The following STAG1 variants were observed in gnomAD, a reference collection of about 807,000 sequenced individuals.
The protein encoded by STAG1 is cohesin subunit SA-1.
In STAG1, 26 loss-of-function variants were observed where a neutral mutation model predicts 170.9. That is an observed-to-expected ratio of 0.15 (90% confidence interval 0.11 to 0.21). STAG1 has a LOEUF of 0.21. Among genes scored for constraint, STAG1 ranks in the 10% least tolerant of loss-of-function variants. The pLI, the probability that STAG1 is intolerant of heterozygous loss-of-function variation, is 1.00. For missense variants in STAG1, 964 were observed against 1,509.5 expected (o/e 0.64, Z 5.99); for synonymous variants, 514 against 497.7 (o/e 1.03, Z -0.44).
At chr3:136,727,233 TTAAG>T (rs1345699405) in intron 1 of STAG1, among the ~76,000 whole-genome samples, 1 of 152,164 alleles carries the variant, frequency 6.6e-6, no homozygotes, top group African/African-American at 2.4e-5. Context: ...TTGGACAGCC[TTAAG>T]TAATAGGCGA....
At chr3:136,389,486 G>A (rs2086953043) in intron 22 of STAG1, among the ~76,000 whole-genome samples, 1 of 151,742 alleles carries the variant, frequency 6.6e-6, no homozygotes, top group South Asian at 2.1e-4. Context: ...GTAGAGACGG[G>A]GTTTCACCAT....
intron 16 of STAG1, among the ~76,000 whole-genome samples, chr3:136,423,840 T>G (rs992691930): frequency 1.3e-5 from 2 of 152,108 alleles, no homozygotes; most frequent in Non-Finnish European, 2.9e-5. Context: ...CACTGCCTAT[T>G]TGATTGTTCA....
rs190851593 is a variant in STAG1 at position 136,497,727 on chromosome 3, C to T, written c.902+2496G>A. On this transcript the variant is annotated intron_variant, in intron 9 of 33. Coordinates refer to ENST00000383202, the MANE Select transcript of STAG1 (RefSeq NM_005862.3). ...AAAATTAGCTGGGCGTGGTGGCAGG[C>T]GCCTGTACTCCCAGCTACTTGGGAG... Among the ~76,000 whole-genome samples the T allele has an allele frequency of 3.4e-3, 515 of 150,634 alleles. 10 individuals are homozygous for T. The highest frequency in any genetic ancestry group is 0.028 in the Admixed American group (426 of 15,134).
intron 4 of STAG1, among the ~76,000 whole-genome samples, chr3:136,583,105 AC>A (rs1420681627): frequency 1.3e-5 from 2 of 152,186 alleles, no homozygotes; most frequent in African/African-American, 4.8e-5. Context: ...ATTTTGATTA[AC>A]CTTAGCATCT....
chr3:136,708,967 CTTTTT>C lies in STAG1; in HGVS notation c.-84+43223_-84+43227del, dbSNP rs61595071. Among the ~76,000 whole-genome samples, 69 of 86,076 alleles carry C rather than the reference CTTTTT, an allele frequency of 8.0e-4. No homozygotes were observed. In the South Asian group the frequency reaches 0.023, roughly 28 times the overall value. The allele number at this position is 86,076 out of a possible 152,430, so 56.5% of individuals were successfully genotyped here. A position where few individuals can be genotyped will look rare whatever the true frequency, so the allele number is the denominator to read the frequency against. ...CACAGGCATGTACCACTGCAGCTGG[CTTTTT>C]TTTTTTTTTTTTTTTTTTTTTAAAG... On this transcript the variant is annotated intron_variant, in intron 1 of 33. Coordinates refer to ENST00000383202, the MANE Select transcript of STAG1 (RefSeq NM_005862.3).
intron 15 of STAG1, among the ~76,000 whole-genome samples, chr3:136,436,914 A>C (rs2088478544): frequency 6.6e-6 from 1 of 152,246 alleles, no homozygotes; most frequent in African/African-American, 2.4e-5. Flanking sequence ...TATCTTAGGA[A>C]AAACAAATGA....
At chr3:136,672,226 T>C (rs972689764) in intron 1 of STAG1, among the ~76,000 whole-genome samples, 2 of 152,206 alleles carry the variant, frequency 1.3e-5, no homozygotes, top group Non-Finnish European at 2.9e-5. Flanking sequence ...AAATGAGGCC[T>C]ACAAAATGAA....
At position 136,371,339 on chromosome 3, in the gene STAG1, T is replaced by G. The variant is rs1167923042; in HGVS notation, c.2371-2057A>C. 3.9e-5 allele frequency among the ~76,000 whole-genome samples: 6 copies of G among 152,098 alleles called. No individual in the cohort carries two copies. The South Asian group carries it at 1.2e-3, about 31-fold the overall frequency. On this transcript the variant is annotated intron_variant, in intron 23 of 33. Coordinates refer to ENST00000383202, the MANE Select transcript of STAG1 (RefSeq NM_005862.3). ...ACTCTGATGGTAGTTTCTTTTGCTG[T>G]GCAGAAGCTCTTTAGTTTAATTAGA...
intron 7 of STAG1, among the ~76,000 whole-genome samples, chr3:136,510,105 TTCAACCCA>T (rs1559848818): frequency 6.6e-6 from 1 of 152,170 alleles, no homozygotes; most frequent in Non-Finnish European, 1.5e-5. Flanking sequence ...AGAACTACCA[TTCAACCCA>T]TCAATCCCAT....
chr3:136,556,868 C>CCA (rs1433458946), intron 5 of STAG1, among the ~76,000 whole-genome samples: 1 of 152,108 alleles, frequency 6.6e-6, no homozygotes, highest in Non-Finnish European at 1.5e-5. Context: ...CAGGTACGAG[C>CCA]CACTGTGCTT....
intron 9 of STAG1, 92 bp downstream of exon 9, chr3:136,500,131 A>C (rs1264854020): frequency 3.7e-6 from 3 of 803,528 alleles, no homozygotes; most frequent in African/African-American, 1.8e-5. Flanking sequence ...CATAAATCAT[A>C]ATTAGTGAGT....
At chr3:136,581,870 A>G (rs1937597178) in intron 4 of STAG1, among the ~76,000 whole-genome samples, 1 of 152,300 alleles carries the variant, frequency 6.6e-6, no homozygotes, top group East Asian at 1.9e-4. Flanking sequence ...TAAAACAAAT[A>G]TAACTTTAAC....
chr3:136,598,169 A>G (rs560430537), intron 4 of STAG1, among the ~76,000 whole-genome samples: 43 of 152,254 alleles, frequency 2.8e-4, no homozygotes, highest in Middle Eastern at 6.8e-3. Flanking sequence ...TTAGACTCAA[A>G]TATTTGGGTT....
intron 1 of STAG1, among the ~76,000 whole-genome samples, chr3:136,749,191 A>G (rs1935103620): frequency 6.6e-6 from 1 of 152,332 alleles, no homozygotes; most frequent in African/African-American, 2.4e-5. Flanking sequence ...GCCCTTAATC[A>G]GTTAAGTTTA....
At chr3:136,487,390 T>C (rs1009262342) in intron 9 of STAG1, among the ~76,000 whole-genome samples, 7 of 152,212 alleles carry the variant, frequency 4.6e-5, no homozygotes, top group African/African-American at 1.7e-4. Context: ...TGATGGGCAT[T>C]TGGGTTGGTT....
chr3:136,729,161 G>A (rs1933859067), intron 1 of STAG1, among the ~76,000 whole-genome samples: 1 of 151,854 alleles, frequency 6.6e-6, no homozygotes, highest in African/African-American at 2.4e-5. Context: ...GCGTGTGTGT[G>A]GTTTTTTTGT....
intron 1 of STAG1, among the ~76,000 whole-genome samples, chr3:136,663,720 T>G (rs770949364): frequency 1.3e-5 from 2 of 152,218 alleles, no homozygotes; most frequent in Non-Finnish European, 2.9e-5. Flanking sequence ...GTACTCTTTG[T>G]TCCACCCTTG....
chr3:136,542,853 T>C (rs1317623466), intron 5 of STAG1, among the ~76,000 whole-genome samples: 2 of 152,148 alleles, frequency 1.3e-5, no homozygotes, highest in African/African-American at 2.4e-5. Flanking sequence ...CTATTATTTC[T>C]GAGACAAGAG....
At chr3:136,668,989 C>T (rs558260929) in intron 1 of STAG1, among the ~76,000 whole-genome samples, 10 of 152,350 alleles carry the variant, frequency 6.6e-5, no homozygotes, top group Non-Finnish European at 1.5e-4. Context: ...TTCAGTGGTA[C>T]CTCCAAGGCA....
Sources: allele counts gnomAD v4.1 joint callset (sites outside exome capture counted in the v4.1 genomes callset), GRCh38; gene constraint gnomAD v4.1.1; transcripts MANE v1.5; gene names NCBI Gene and HGNC (gene_info 2026-07-23, HGNC 2026-07-21).